GP6: variants seen among roughly 807,000 people sequenced by gnomAD.
GP6 encodes platelet glycoprotein VI.
In GP6, 45 loss-of-function variants were observed where a neutral mutation model predicts 37.3. The ratio of observed to expected loss-of-function variants is 1.21; its 90% CI spans 0.95 to 1.55. The LOEUF is 1.55. Among genes scored for constraint, GP6 ranks in the 40% most tolerant of loss-of-function variants. GP6 has a pLI of 0.00. For missense variants in GP6, 813 were observed against 760.2 expected (o/e 1.07, Z -0.82); for synonymous variants, 340 against 316.4 (o/e 1.07, Z -0.79).
At chr19:55,032,643 C>T (rs2074610817) in intron 1 of GP6, 105 bp from the exon 2 acceptor site, 1 of 1,182,506 alleles carries the variant, frequency 8.5e-7, no homozygotes, top group Admixed American at 2.0e-5. Flanking sequence ...TTTACTCTGT[C>T]CTAATAATTT....
chr19:55,014,801 C>T lies in GP6; in HGVS notation c.1144G>A (p.Gly382Ser). Residue 382 changes from glycine to serine, a missense_variant, in exon 8 of 8, where the codon GGC (glycine) becomes AGC (serine). Coordinates refer to ENST00000310373, the MANE Select transcript of GP6 (RefSeq NM_001083899.2). ...GAACACCAGGAGGAGGCAGCATGGCCTCGTTTCCACAGCTGTAGCCTCTGC... is the reference window on the plus strand; with the variant it reads ...GAACACCAGGAGGAGGCAGCATGGCTTCGTTTCCACAGCTGTAGCCTCTGC... The T allele has an allele frequency of 6.2e-7, 1 of 1,613,938 alleles. No homozygotes were observed. The highest frequency in any genetic ancestry group is 8.5e-7 in the Non-Finnish European group (1 of 1,179,936).
At chr19:55,028,784 T>C (rs1433467195) in intron 3 of GP6, among the ~76,000 whole-genome samples, 1 of 152,182 alleles carries the variant, frequency 6.6e-6, no homozygotes, top group Non-Finnish European at 1.5e-5. Context: ...TACTCTGATG[T>C]GAGGTTGTTG....
intron 1 of GP6, chr19:55,032,808 G>A: frequency 1.6e-6 from 1 of 606,356 alleles, no homozygotes. Context: ...GGTGGGAGAG[G>A]AGGGCAAGGC....
intron 5 of GP6, among the ~76,000 whole-genome samples, chr19:55,019,617 G>C (rs939282746): frequency 6.6e-6 from 1 of 151,550 alleles, no homozygotes; most frequent in African/African-American, 2.4e-5. Flanking sequence ...GGAAGAATGA[G>C]CTCGTGTTAG....
Position 55,027,711 on chromosome 19 carries a change from T to C in GP6, c.477A>G (p.Arg159=), listed in dbSNP as rs753396840. ...TGATGGGAAAACTAGCCCTGTACCA[T>C]CTCTCGGGATTCTTGTAGGGCGCAG... is the stretch of plus-strand genomic sequence containing the variant. The change falls in exon 4 of 8, where the codon AGA becomes AGG. Residue 159 remains arginine, a synonymous_variant. Coordinates refer to ENST00000310373, the MANE Select transcript of GP6 (RefSeq NM_001083899.2). 2 of 1,613,324 alleles carry C rather than the reference T, an allele frequency of 1.2e-6. No homozygotes were observed. Among genetic ancestry groups the C allele is most frequent in the South Asian group, 2.2e-5 (2 of 91,076 alleles).
chr19:55,029,320 A>G (rs867032706), intron 3 of GP6, among the ~76,000 whole-genome samples: 418 of 1,636 alleles, frequency 0.26, 19 homozygotes, highest in African/African-American at 0.43. Flanking sequence ...AATGGCATAT[A>G]TATATATATA....
At position 55,029,100 on chromosome 19, in the gene GP6, GAGGA is replaced by G. The variant is rs200038195; in HGVS notation, c.326-1242_326-1239del. 5.1e-3 allele frequency among the ~76,000 whole-genome samples: 753 copies of G among 146,262 alleles called. 3 individuals are homozygous for G. Among genetic ancestry groups the G allele is most frequent in the African/African-American group, 0.017 (696 of 40,002 alleles). ...CTCAACAAGAAGAAAAAGAAAGAAA[GAGGA>G]AGGAAGGGAGGGAGGGAGGAAGGAA... is the stretch of plus-strand genomic sequence containing the variant. On this transcript the variant is annotated intron_variant, in intron 3 of 7. Transcript: ENST00000310373.
chr19:55,025,998 CCCAA>C lies in GP6; in HGVS notation c.611-731_611-728del, dbSNP rs1274101230. 1.0e-4 allele frequency among the ~76,000 whole-genome samples: 13 copies of C among 128,332 alleles called. 1 individual carries two copies. Among genetic ancestry groups the C allele is most frequent in the Admixed American group, 2.5e-4 (3 of 12,130 alleles). 84.2% of individuals were successfully genotyped at this position (128,332 alleles called of 152,430 possible). ...GCCTGGGTGACAAAGTGAGACTCCCCCCAAAAAAAAAAAAAAAAAAAAAAGCAGC... is the reference window on the plus strand; with the variant it reads ...GCCTGGGTGACAAAGTGAGACTCCCCAAAAAAAAAAAAAAAAAAAAGCAGC... On this transcript the variant is annotated intron_variant, in intron 4 of 7. Coordinates refer to ENST00000310373, the MANE Select transcript of GP6 (RefSeq NM_001083899.2).
In GP6 at chr19:55,014,257, C is replaced by T. The variant is rs2073759423; in HGVS notation, c.1688G>A (p.Gly563Asp). Residue 563 changes from glycine to aspartate, a missense_variant, in exon 8 of 8, where the codon GGT becomes GAT. Physicochemically the swap from Gly to Asp is moderately conservative, Grantham distance 94 (BLOSUM62 -1). Transcript: ENST00000310373. ...TTGCTGGGAGTATAGGGATGCACCACCACACCTGGCTAATTTTTGTGTTTT... is the reference window on the plus strand; with the variant it reads ...TTGCTGGGAGTATAGGGATGCACCATCACACCTGGCTAATTTTTGTGTTTT... 2 of 1,083,038 alleles carry T rather than the reference C, an allele frequency of 1.8e-6. No individual in the cohort carries two copies. The highest frequency in any genetic ancestry group is 2.8e-6 in the Non-Finnish European group (2 of 707,324). The allele number at this position is 1,083,038 out of a possible 1,614,324, so 67.1% of individuals were successfully genotyped here.
intron 1 of GP6, among the ~76,000 whole-genome samples, chr19:55,036,643 G>A (rs1281076637): frequency 6.6e-6 from 1 of 152,120 alleles, no homozygotes; most frequent in African/African-American, 2.4e-5. Flanking sequence ...AGGCTGCAGT[G>A]AGCCATGATC....
chr19:55,018,588 A>T, intron 6 of GP6, 64 bp downstream of exon 6: 1 of 921,548 alleles, frequency 1.1e-6, no homozygotes, highest in Non-Finnish European at 1.8e-6. Context: ...AGGCTTAGAT[A>T]ATGGAAGAGA....
chr19:55,035,465 A>T (rs1355990650), intron 1 of GP6, among the ~76,000 whole-genome samples: 1 of 152,192 alleles, frequency 6.6e-6, no homozygotes, highest in Non-Finnish European at 1.5e-5. Flanking sequence ...CACACCTGTA[A>T]TCCCATTTTG....
rs750237644 is a variant in GP6 at position 55,014,832 on chromosome 19, T to A, written c.1113A>T (p.Ala371=). 3 of 1,613,950 alleles carry A rather than the reference T, an allele frequency of 1.9e-6. No homozygotes were observed. The highest frequency in any genetic ancestry group is 2.5e-6 in the Non-Finnish European group (3 of 1,179,982). Residue 371 remains alanine, a synonymous_variant, in exon 8 of 8, where the codon GCA becomes GCT. Coordinates refer to ENST00000310373, the MANE Select transcript of GP6 (RefSeq NM_001083899.2). Reference sequence around the variant, plus strand: ...TCCACAGCTGTAGCCTCTGCCCTCCTGCTTCCACGCTCCACACACGCCAGT... The same window carrying A: ...TCCACAGCTGTAGCCTCTGCCCTCCAGCTTCCACGCTCCACACACGCCAGT...
chr19:55,037,549 C>T (rs2074878918), intron 1 of GP6, among the ~76,000 whole-genome samples: 1 of 148,244 alleles, frequency 6.7e-6, no homozygotes, highest in African/African-American at 2.5e-5. Context: ...GTTGGTCAGG[C>T]TGGTCTCAAA....
intron 5 of GP6, among the ~76,000 whole-genome samples, chr19:55,023,727 T>C (rs770864353): frequency 3.9e-5 from 6 of 152,138 alleles, no homozygotes; most frequent in Non-Finnish European, 8.8e-5. Flanking sequence ...AAAATCGGCC[T>C]AATATAGCAT....
At chr19:55,036,813 C>T (rs2074846870) in intron 1 of GP6, among the ~76,000 whole-genome samples, 1 of 152,196 alleles carries the variant, frequency 6.6e-6, no homozygotes, top group Non-Finnish European at 1.5e-5. Flanking sequence ...GAGCTTGAGA[C>T]CAGCCTGGCC....
At chr19:55,028,320 CCTTCCAAA>C (rs1568625075) in intron 3 of GP6, among the ~76,000 whole-genome samples, 1 of 152,178 alleles carries the variant, frequency 6.6e-6, no homozygotes, top group Admixed American at 6.5e-5. Flanking sequence ...CTTCCGGGTG[CCTTCCAAA>C]CTTATGATGT....
intron 5 of GP6, 43 bp from the exon 6 acceptor site, chr19:55,018,754 A>G (rs2073967992): frequency 3.8e-6 from 5 of 1,321,878 alleles, no homozygotes; most frequent in Non-Finnish European, 5.5e-6. Flanking sequence ...GTGGTTCCCT[A>G]TATCCTCTAG....
rs771329127 is a variant in GP6 at position 55,015,682 on chromosome 19, C to T, written c.776G>A (p.Gly259Asp). The change falls in exon 7 of 8, where the codon GGT becomes GAT. Residue 259 changes from glycine to aspartate, a missense_variant. Physicochemically the swap from Gly to Asp is moderately conservative, Grantham distance 94. Coordinates refer to ENST00000310373, the MANE Select transcript of GP6 (RefSeq NM_001083899.2). ...GGGTCTGGAGAGGATGACTTACTCA[C>T]CAGCTGGAGAGTCTGACTCCTTTGG... is the stretch of plus-strand genomic sequence containing the variant. The T allele has an allele frequency of 6.4e-7, 1 of 1,560,292 alleles. No individual in the cohort carries two copies. Among genetic ancestry groups the T allele is most frequent in the Admixed American group, 1.7e-5 (1 of 59,912 alleles).
Sources: gnomAD v4.1 joint callset for allele counts (sites outside exome capture counted in the v4.1 genomes callset) on GRCh38, gnomAD v4.1.1 for gene constraint, MANE v1.5 for transcripts, NCBI Gene and HGNC (gene_info 2026-07-23, HGNC 2026-07-21) for gene names.